Variants in NELL1 observed in about 807,000 individuals in gnomAD.
NELL1 encodes the protein neural EGFL like 1.
NELL1 carries 76 observed loss-of-function variants against 107.4 expected under a neutral mutation model. The ratio of observed to expected loss-of-function variants is 0.71; its 90% CI spans 0.59 to 0.86. The LOEUF is 0.86. Ranked by LOEUF, NELL1 falls within the 40% of genes least tolerant of loss-of-function variation. The pLI is 0.00. For missense variants in NELL1, 1,024 were observed against 1,005.5 expected (o/e 1.02, Z -0.25); for synonymous variants, 353 against 341.2 (o/e 1.03, Z -0.38).
rs576680640 is a variant in NELL1, at chr11:21,041,151, T to A, written c.1301-72438T>A. ...TGACATAGTACAGTGAAGAGAACAA[T>A]GGCACTTGACTGAGAAGGCTTGGTG... On this transcript the variant is annotated intron_variant, in intron 12 of 19. Transcript: ENST00000357134. Among the ~76,000 whole-genome samples the A allele has an allele frequency of 3.9e-5, 6 of 152,302 alleles. No individual in the cohort carries two copies. In the East Asian group the frequency reaches 1.2e-3, roughly 29 times the overall value.
intron 16 of NELL1, among the ~76,000 whole-genome samples, chr11:21,536,145 G>A (rs1292128328): frequency 2.6e-5 from 4 of 151,952 alleles, no homozygotes; most frequent in Admixed American, 1.3e-4. Context: ...TTCATGTGCA[G>A]GTTTCTTCCC....
chr11:21,337,895 C>T (rs1301694193), intron 14 of NELL1, among the ~76,000 whole-genome samples: 1 of 119,292 alleles, frequency 8.4e-6, no homozygotes, highest in Non-Finnish European at 1.8e-5. Context: ...CAGTGCTGGT[C>T]TTTCTTCACC....
At chr11:21,006,151 G>C (rs187300981) in intron 12 of NELL1, among the ~76,000 whole-genome samples, 5 of 152,124 alleles carry the variant, frequency 3.3e-5, no homozygotes, top group African/African-American at 1.2e-4. Context: ...ATTTGAATGT[G>C]TCCCCCAAAT....
intron 10 of NELL1, among the ~76,000 whole-genome samples, chr11:20,946,995 C>T (rs527673497): frequency 1.3e-5 from 2 of 151,838 alleles, no homozygotes; most frequent in African/African-American, 4.8e-5. Context: ...GGAGTATTTA[C>T]ATCATAGAAA....
In NELL1 at chr11:20,800,247, C is replaced by G. The variant is rs138433016; in HGVS notation, c.335+16417C>G. 2.6e-3 allele frequency among the ~76,000 whole-genome samples: 395 copies of G among 152,264 alleles called. 1 individual carries two copies. Among genetic ancestry groups the G allele is most frequent in the Middle Eastern group, 6.8e-3 (2 of 294 alleles). Reference sequence around the variant, plus strand: ...GGGATTGCTGGTTCAAATGGTAGTTCTAAGTTCTTTGAGAAATCTCCAAAA... The same window carrying G: ...GGGATTGCTGGTTCAAATGGTAGTTGTAAGTTCTTTGAGAAATCTCCAAAA... On this transcript the variant is annotated intron_variant, in intron 3 of 19. Coordinates refer to ENST00000357134, the MANE Select transcript of NELL1 (RefSeq NM_006157.5).
At chr11:20,934,133 C>G (rs1405928778) in intron 9 of NELL1, among the ~76,000 whole-genome samples, 1 of 152,006 alleles carries the variant, frequency 6.6e-6, no homozygotes, top group Non-Finnish European at 1.5e-5. Flanking sequence ...GGCTATAGAT[C>G]AAGAGGTTGG....
chr11:20,992,709 ATTTTTTTTTTTT>A (rs56048576), intron 12 of NELL1, among the ~76,000 whole-genome samples: 9 of 114,500 alleles, frequency 7.9e-5, no homozygotes, highest in African/African-American at 2.9e-4. Flanking sequence ...CAAAAGTGGC[ATTTTTTTTTTTT>A]TTTTTTTTTT....
intron 5 of NELL1, among the ~76,000 whole-genome samples, chr11:20,887,874 C>G (rs1298476956): frequency 6.6e-6 from 1 of 152,050 alleles, no homozygotes; most frequent in African/African-American, 2.4e-5. Context: ...AATAGGAGCT[C>G]TAAAGCCATC....
At chr11:20,707,526 G>A (rs1215440339) in intron 2 of NELL1, among the ~76,000 whole-genome samples, 1 of 152,166 alleles carries the variant, frequency 6.6e-6, no homozygotes, top group African/African-American at 2.4e-5. Flanking sequence ...CTTTGATGAT[G>A]GTGATGTACA....
intron 2 of NELL1, among the ~76,000 whole-genome samples, chr11:20,740,472 T>C (rs1232553109): frequency 6.6e-6 from 1 of 152,154 alleles, no homozygotes; most frequent in Non-Finnish European, 1.5e-5. Context: ...ATCCTGAAGC[T>C]TTCTCAGCCT....
chr11:20,937,304 C>A (rs1737168504), intron 9 of NELL1, among the ~76,000 whole-genome samples: 1 of 152,188 alleles, frequency 6.6e-6, no homozygotes, highest in African/African-American at 2.4e-5. Flanking sequence ...ACTTGTCTCA[C>A]ATGTGTATTT....
At chr11:20,715,755 A>G (rs1855234897) in intron 2 of NELL1, among the ~76,000 whole-genome samples, 1 of 152,216 alleles carries the variant, frequency 6.6e-6, no homozygotes, top group African/African-American at 2.4e-5. Flanking sequence ...CTGAATACCT[A>G]GAGTTGAGTA....
At chr11:20,959,609 T>A (rs922719705) in intron 11 of NELL1, among the ~76,000 whole-genome samples, 3 of 152,042 alleles carry the variant, frequency 2.0e-5, no homozygotes, top group Non-Finnish European at 2.9e-5. Context: ...TAAGTGGGAG[T>A]TAGGCTATGA....
chr11:20,696,330 T>A (rs571844192), intron 2 of NELL1, among the ~76,000 whole-genome samples: 1 of 152,194 alleles, frequency 6.6e-6, no homozygotes, highest in African/African-American at 2.4e-5. Context: ...TTGGGGTTAG[T>A]TTTTTCTTTT....
chr11:20,705,953 A>G (rs1351327315), intron 2 of NELL1, among the ~76,000 whole-genome samples: 2 of 152,242 alleles, frequency 1.3e-5, no homozygotes, highest in Non-Finnish European at 2.9e-5. Flanking sequence ...ATGCAAATGA[A>G]AACCACAATG....
intron 14 of NELL1, among the ~76,000 whole-genome samples, chr11:21,241,960 A>G (rs567234568): frequency 6.7e-6 from 1 of 149,268 alleles, no homozygotes; most frequent in African/African-American, 2.5e-5. Context: ...TTTACTTCCA[A>G]GGACATGTGT....
intron 14 of NELL1, among the ~76,000 whole-genome samples, chr11:21,285,665 T>A (rs1196143134): frequency 6.6e-6 from 1 of 152,188 alleles, no homozygotes; most frequent in African/African-American, 2.4e-5. Flanking sequence ...AAAACCCCAG[T>A]TAACAGGCAC....
intron 12 of NELL1, among the ~76,000 whole-genome samples, chr11:21,045,163 T>C (rs1206637419): frequency 6.6e-6 from 1 of 152,124 alleles, no homozygotes; most frequent in Non-Finnish European, 1.5e-5. Flanking sequence ...GTATCCTCTA[T>C]GAGTGAGAAA....
At chr11:21,438,663 AT>A (rs1210604252) in intron 15 of NELL1, among the ~76,000 whole-genome samples, 2 of 151,630 alleles carry the variant, frequency 1.3e-5, no homozygotes, top group African/African-American at 2.4e-5. Flanking sequence ...TTATATAGTT[AT>A]TTTTTGTCTG....
Sources: gnomAD v4.1 joint callset for allele counts (sites outside exome capture counted in the v4.1 genomes callset) on GRCh38, gnomAD v4.1.1 for gene constraint, MANE v1.5 for transcripts, NCBI Gene and HGNC (gene_info 2026-07-23, HGNC 2026-07-21) for gene names.